Variants in SLC12A7 observed in about 807,000 individuals in gnomAD.
SLC12A7 encodes the protein solute carrier family 12 member 7, also known as K-Cl cotransporter 4.
A neutral mutation model predicts 120.6 loss-of-function variants in SLC12A7; 100 were observed. The ratio of observed to expected loss-of-function variants is 0.83; its 90% confidence interval spans 0.71 to 0.98. The LOEUF (loss-of-function observed/expected upper bound fraction) is 0.98, where lower values mean the gene tolerates loss of function less well. Among genes scored for constraint, SLC12A7 ranks in the 50% least tolerant of loss-of-function variants. The probability of loss-of-function intolerance (pLI) is 0.00; values close to 1 mark genes in which losing one functional copy is unlikely to be tolerated. For missense variants in SLC12A7, 1,373 were observed against 1,548.1 expected, an observed-to-expected ratio of 0.89 and a Z score of 1.90; for synonymous variants, 760 against 678.0, an observed-to-expected ratio of 1.12 and a Z score of -1.88.
chr5:1,078,031 C>T lies in SLC12A7; in HGVS notation c.1455-24G>A, dbSNP rs889258469. On this transcript the variant is annotated intron_variant, in intron 11 of 23. Transcript: ENST00000264930. ...ACCTGCAGGCAGGCGGGCAGGCGGG[C>T]GGGCGGCTTTCAGAAGTGAGCCTGA... 3.6e-5 allele frequency: 55 copies of T among 1,538,374 alleles called. No individual in the cohort carries two copies. In the Admixed American group the frequency reaches 7.1e-4, roughly 20 times the overall value.
At chr5:1,149,527 A>C in the SLC12A7 span, among the ~76,000 whole-genome samples, 1 of 152,190 alleles carries the variant, frequency 6.6e-6, no homozygotes, top group Non-Finnish European at 1.5e-5. Context: ...TAGTGAGCCG[A>C]GATGGTGCCA....
intron 4 of SLC12A7, 137 bp from the exon 5 acceptor site, chr5:1,088,497 G>A: frequency 5.3e-6 from 5 of 941,664 alleles, no homozygotes; most frequent in East Asian, 2.6e-5. Context: ...TCTCAATGGA[G>A]TGGCTAGGAA....
At chr5:1,091,765 A>T (rs1052634435) in intron 3 of SLC12A7, among the ~76,000 whole-genome samples, 1 of 151,988 alleles carries the variant, frequency 6.6e-6, no homozygotes, top group African/African-American at 2.4e-5. Context: ...CGCAGCGTCC[A>T]CGTGCAGAAA....
At chr5:1,105,895 C>A (rs930188622) in intron 1 of SLC12A7, among the ~76,000 whole-genome samples, 3 of 152,218 alleles carry the variant, frequency 2.0e-5, no homozygotes, top group Non-Finnish European at 4.4e-5. Flanking sequence ...CCCCACTGGG[C>A]TCCACGGGGT....
chr5:1,083,350 T>C (rs963776355), intron 8 of SLC12A7, among the ~76,000 whole-genome samples: 1 of 152,144 alleles, frequency 6.6e-6, no homozygotes, highest in African/African-American at 2.4e-5. Flanking sequence ...CCAGGGGTCC[T>C]TTTCCCTCAA....
the SLC12A7 span, among the ~76,000 whole-genome samples, chr5:1,134,253 T>C: frequency 2.0e-5 from 3 of 151,912 alleles, no homozygotes; most frequent in Non-Finnish European, 4.4e-5. Flanking sequence ...GCGGATCACC[T>C]GAGGTCAGGA....
chr5:1,132,043 C>T, the SLC12A7 span, among the ~76,000 whole-genome samples: 7 of 152,274 alleles, frequency 4.6e-5, no homozygotes, highest in East Asian at 9.6e-4. Context: ...ACGGGACGAC[C>T]GCGCAAGAGG....
At chr5:1,069,393 C>T (rs770687332) in intron 17 of SLC12A7, among the ~76,000 whole-genome samples, 6 of 152,220 alleles carry the variant, frequency 3.9e-5, no homozygotes, top group Non-Finnish European at 5.9e-5. Context: ...TGCAGAGAAA[C>T]GGACCGGGGA....
Position 1,085,297 on chromosome 5 carries a change from G to T in SLC12A7, c.852C>A (p.Val284=), listed in dbSNP as rs143554277. ...CATAGATGGCCAGGATGGACAGCAC[G>T]ACGCAGGCCAGGAAGACCAGCGCCA... is the stretch of plus-strand genomic sequence containing the variant. ...NKLALVFLAC[V]VLSILAIYAG... The change falls in exon 7 of 24, where the codon GTC becomes GTA. Residue 284 remains valine (V), a synonymous_variant. Transcript: ENST00000264930. 1 of 1,612,508 alleles carries T rather than the reference G, an allele frequency of 6.2e-7. No homozygotes were observed. Among genetic ancestry groups the T allele is most frequent in the Non-Finnish European group, 8.5e-7 (1 of 1,179,814 alleles).
the SLC12A7 span, among the ~76,000 whole-genome samples, chr5:1,153,182 C>T: frequency 2.0e-4 from 30 of 152,300 alleles, no homozygotes; most frequent in East Asian, 3.5e-3. Flanking sequence ...TCTCTACCCC[C>T]GGGTGCTGAC....
chr5:1,137,357 G>C, the SLC12A7 span, among the ~76,000 whole-genome samples: 1 of 152,116 alleles, frequency 6.6e-6, no homozygotes, highest in African/African-American at 2.4e-5. Context: ...AAAGAACCTT[G>C]GCCCAGAGAG....
At chr5:1,142,449 T>G in the SLC12A7 span, among the ~76,000 whole-genome samples, 1 of 21,476 alleles carries the variant, frequency 4.7e-5, no homozygotes, top group African/African-American at 2.6e-4. Context: ...TCCCCTCCCC[T>G]CTCTGCCCTC....
intron 1 of SLC12A7, among the ~76,000 whole-genome samples, chr5:1,108,029 T>TACATACACACACACACAC (rs1554024187): frequency 2.0e-5 from 3 of 151,378 alleles, no homozygotes; most frequent in African/African-American, 7.3e-5. Context: ...AACACACACA[T>TACATACACACACACACAC]ACACACACAC....
chr5:1,148,498 C>T, the SLC12A7 span, among the ~76,000 whole-genome samples: 1 of 152,196 alleles, frequency 6.6e-6, no homozygotes, highest in East Asian at 1.9e-4. Flanking sequence ...AGCCACCGCA[C>T]CTGGCCTTTG....
rs184823494 is a variant in SLC12A7, at chr5:1,064,471, G to A, written c.2438-219C>T. Among the ~76,000 whole-genome samples, 766 of 152,366 alleles carry A rather than the reference G, an allele frequency of 5.0e-3. 7 individuals are homozygous for A. The highest frequency in any genetic ancestry group is 0.016 in the African/African-American group (681 of 41,590). ...GTCCAGGGAATCCCCCAGCCCCTGC[G>A]GGGCTCTGGGAGAAGGGGAGGGAGT... On this transcript the variant is annotated intron_variant, in intron 18 of 23. Coordinates refer to ENST00000264930, the MANE Select transcript of SLC12A7 (RefSeq NM_006598.3).
At position 1,073,706 on chromosome 5, in the gene SLC12A7, C is replaced by T; in HGVS notation, c.2168G>A (p.Gly723Asp). 1 of 1,580,444 alleles carries T rather than the reference C, an allele frequency of 6.3e-7. No homozygotes were observed. The highest frequency in any genetic ancestry group is 1.1e-5 in the South Asian group (1 of 88,042). The change falls in exon 17 of 24, where the codon GGC (glycine) becomes GAC (aspartate). Residue 723 changes from glycine (G) to aspartate (D), a missense_variant. Coordinates refer to ENST00000264930, the MANE Select transcript of SLC12A7 (RefSeq NM_006598.3). Reference protein sequence around the residue: ...SFTSQLKAGKGLTIVGSVLEG... With the variant: ...SFTSQLKAGKDLTIVGSVLEG... Reference sequence around the variant, plus strand: ...CAGCACCGAGCCCACGATGGTCAGGCCCTTGCCGGCCTTCAGCTGCGACGT... The same window carrying T: ...CAGCACCGAGCCCACGATGGTCAGGTCCTTGCCGGCCTTCAGCTGCGACGT...
At chr5:1,147,005 TCA>T in the SLC12A7 span, among the ~76,000 whole-genome samples, 2 of 152,152 alleles carry the variant, frequency 1.3e-5, no homozygotes, top group East Asian at 1.9e-4. Context: ...TTCAAATATT[TCA>T]CAGACTTTCG....
the SLC12A7 span, among the ~76,000 whole-genome samples, chr5:1,150,890 C>G: frequency 1.3e-5 from 2 of 152,288 alleles, no homozygotes; most frequent in Non-Finnish European, 2.9e-5. Context: ...CAGGAGGGCA[C>G]GCAGAAGCAG....
chr5:1,108,043 T>TACACACACACACACAC (rs1224527207), intron 1 of SLC12A7, among the ~76,000 whole-genome samples: 3 of 56,478 alleles, frequency 5.3e-5, no homozygotes, highest in Non-Finnish European at 1.2e-4. Flanking sequence ...CACACACACG[T>TACACACACACACACAC]GAGCATGCCC....
Sources: gnomAD v4.1 joint callset for allele counts (sites outside exome capture counted in the v4.1 genomes callset) on GRCh38, gnomAD v4.1.1 for gene constraint, MANE v1.5 for transcripts, NCBI Gene and HGNC (gene_info 2026-07-23, HGNC 2026-07-21) for gene names.